The following SPOCK3 variants were observed in gnomAD, a reference collection of about 807,000 sequenced individuals.
The protein encoded by SPOCK3 is testican-3.
Under a neutral mutation model 56.6 loss-of-function variants are expected in SPOCK3, and 30 were observed. The observed-to-expected ratio is 0.53, with a 90% CI of 0.40 to 0.72. The LOEUF is 0.72. Among genes scored for constraint, SPOCK3 ranks in the 30% least tolerant of loss-of-function variants. The pLI, the probability that SPOCK3 is intolerant of heterozygous loss-of-function variation, is 0.00. For synonymous variants in SPOCK3, 196 were observed against 183.3 expected (o/e 1.07, Z -0.56); for missense variants, 527 against 530.0 (o/e 0.99, Z 0.06).
intron 2 of SPOCK3, among the ~76,000 whole-genome samples, chr4:167,071,324 T>C (rs967872869): frequency 2.0e-5 from 3 of 152,004 alleles, no homozygotes; most frequent in African/African-American, 4.8e-5. Context: ...ATGTGCCATG[T>C]TGGTTTGCTG....
Position 167,234,081 on chromosome 4 carries a change from C to T in SPOCK3, c.93G>A (p.Gly31=). The T allele has an allele frequency of 2.5e-6, 4 of 1,613,694 alleles. No individual in the cohort carries two copies. In the South Asian group the frequency reaches 3.3e-5, roughly 13 times the overall value. Reference sequence around the variant, plus strand: ...CCAGAAAATTACCGCCGTCCGACCGCCCCCCGGCTGCAGCCACCGCCGCGG... The same window carrying T: ...CCAGAAAATTACCGCCGTCCGACCGTCCCCCGGCTGCAGCCACCGCCGCGG... ...AAAAAVAAAG[G]RSDGGNFLDD... is the part of the protein sequence containing the mutation. Residue 31 remains glycine (G), a synonymous_variant, in exon 2 of 11, where the codon GGG becomes GGA. Transcript: ENST00000357545.
intron 2 of SPOCK3, among the ~76,000 whole-genome samples, chr4:167,090,529 G>A (rs1483560781): frequency 1.3e-5 from 2 of 151,446 alleles, no homozygotes; most frequent in Admixed American, 6.6e-5. Context: ...TTGAGACAGA[G>A]TTTTGCTCTT....
chr4:166,836,118 A>G (rs1382948624), intron 6 of SPOCK3, among the ~76,000 whole-genome samples: 1 of 152,210 alleles, frequency 6.6e-6, no homozygotes, highest in East Asian at 1.9e-4. Context: ...CAATTTTATT[A>G]TAACTTTTAT....
chr4:167,091,252 T>C (rs1758674141), intron 2 of SPOCK3, among the ~76,000 whole-genome samples: 1 of 152,142 alleles, frequency 6.6e-6, no homozygotes, highest in African/African-American at 2.4e-5. Flanking sequence ...AATACCTACA[T>C]GGTATAACAA....
chr4:167,008,829 G>A (rs1749723215), intron 3 of SPOCK3, among the ~76,000 whole-genome samples: 1 of 151,890 alleles, frequency 6.6e-6, no homozygotes, highest in African/African-American at 2.4e-5. Flanking sequence ...TAGACAGTGG[G>A]GACTCCAACA....
At chr4:166,924,677 A>T (rs564603241) in intron 4 of SPOCK3, among the ~76,000 whole-genome samples, 1 of 152,354 alleles carries the variant, frequency 6.6e-6, no homozygotes, top group South Asian at 2.1e-4. Flanking sequence ...TGTTTGCTGA[A>T]CACATGGCTG....
rs1043480394 is a variant in SPOCK3 at position 166,948,521 on chromosome 4, AT to A, written c.351-35779del. On this transcript the variant is annotated intron_variant, in intron 4 of 10. Coordinates refer to ENST00000357545, the MANE Select transcript of SPOCK3 (RefSeq NM_001040159.2). ...CCCTTTTCTTCACTTCCTCACCAAC[AT>A]TTTTTTTTATCTTCTGACTATTAGA... Among the ~76,000 whole-genome samples the A allele has an allele frequency of 2.6e-5, 4 of 151,270 alleles. No homozygotes were observed. In the East Asian group the frequency reaches 5.8e-4, roughly 22 times the overall value.
At chr4:167,101,785 C>T (rs1759674526) in intron 2 of SPOCK3, among the ~76,000 whole-genome samples, 3 of 143,504 alleles carry the variant, frequency 2.1e-5, no homozygotes, top group South Asian at 2.2e-4. Flanking sequence ...TGCAGTGATG[C>T]GATCTTGGCT....
At chr4:166,875,424 T>G (rs1403269486) in intron 6 of SPOCK3, among the ~76,000 whole-genome samples, 2 of 152,138 alleles carry the variant, frequency 1.3e-5, no homozygotes, top group African/African-American at 4.8e-5. Context: ...TCTACAATAT[T>G]AGAAGCTAGA....
At chr4:167,055,908 G>T (rs906746396) in intron 3 of SPOCK3, among the ~76,000 whole-genome samples, 7 of 152,320 alleles carry the variant, frequency 4.6e-5, no homozygotes, top group Middle Eastern at 6.8e-3. Flanking sequence ...ACTAACCTCT[G>T]CAGACTTAAA....
In SPOCK3 at chr4:167,053,721, A is replaced by G. The variant is rs1754469039; in HGVS notation, c.235+8771T>C. Among the ~76,000 whole-genome samples the G allele has an allele frequency of 2.0e-5, 3 of 152,076 alleles. No homozygotes were observed. In the South Asian group the frequency reaches 6.2e-4, roughly 31 times the overall value. Reference sequence around the variant, plus strand: ...AATAAATAAACAAATAAATAAAAAAAAGAGAATTAACTGCAATCTAATGAA... The same window carrying G: ...AATAAATAAACAAATAAATAAAAAAGAGAGAATTAACTGCAATCTAATGAA... On this transcript the variant is annotated intron_variant, in intron 3 of 10. Transcript: ENST00000357545.
intron 4 of SPOCK3, among the ~76,000 whole-genome samples, chr4:166,934,121 C>T (rs1242210362): frequency 6.6e-6 from 1 of 151,878 alleles, no homozygotes; most frequent in African/African-American, 2.4e-5. Context: ...TAACAAAATA[C>T]AAAGAAAACA....
At chr4:167,125,513 A>T (rs1181498204) in intron 2 of SPOCK3, among the ~76,000 whole-genome samples, 2 of 151,402 alleles carry the variant, frequency 1.3e-5, no homozygotes, top group Non-Finnish European at 2.9e-5. Context: ...GGAGATTGAG[A>T]CCATCCTGGC....
intron 4 of SPOCK3, among the ~76,000 whole-genome samples, chr4:166,922,848 T>C (rs1738650739): frequency 1.3e-5 from 2 of 152,194 alleles, no homozygotes. Flanking sequence ...ATACCAAGCA[T>C]TCTGACCTCT....
intron 2 of SPOCK3, among the ~76,000 whole-genome samples, chr4:167,077,785 T>C (rs1012082381): frequency 6.6e-6 from 1 of 151,968 alleles, no homozygotes; most frequent in Non-Finnish European, 1.5e-5. Flanking sequence ...TTTGTATATT[T>C]AATTTCATTA....
intron 3 of SPOCK3, among the ~76,000 whole-genome samples, chr4:167,032,174 G>A (rs1752337313): frequency 6.6e-6 from 1 of 151,916 alleles, no homozygotes; most frequent in African/African-American, 2.4e-5. Context: ...TTTAGGGCAG[G>A]ATTTTGTTTT....
At chr4:166,843,028 G>T (rs1285358821) in intron 6 of SPOCK3, among the ~76,000 whole-genome samples, 1 of 152,222 alleles carries the variant, frequency 6.6e-6, no homozygotes, top group Non-Finnish European at 1.5e-5. Flanking sequence ...GGCCGGCGCT[G>T]CTGGGGGGCC....
intron 2 of SPOCK3, among the ~76,000 whole-genome samples, chr4:167,066,594 A>T (rs1318047026): frequency 2.0e-5 from 3 of 151,944 alleles, no homozygotes; most frequent in African/African-American, 7.2e-5. Flanking sequence ...TATTTTATTA[A>T]GAACACTTTA....
chr4:167,078,293 A>G (rs537080163), intron 2 of SPOCK3, among the ~76,000 whole-genome samples: 1 of 147,732 alleles, frequency 6.8e-6, no homozygotes, highest in African/African-American at 2.5e-5. Context: ...ACCTATGTGT[A>G]TCCAGGTCAT....
Sources: allele counts gnomAD v4.1 joint callset (sites outside exome capture counted in the v4.1 genomes callset), GRCh38; gene constraint gnomAD v4.1.1; transcripts MANE v1.5; gene names NCBI Gene and HGNC (gene_info 2026-07-23, HGNC 2026-07-21).